The following TMEM178B variants were observed in gnomAD, a reference collection of about 807,000 sequenced individuals.
TMEM178B encodes transmembrane protein 178B.
A neutral mutation model predicts 31.0 loss-of-function variants in TMEM178B; 5 were observed. The ratio of observed to expected loss-of-function variants is 0.16; its 90% CI spans 0.08 to 0.34. The LOEUF (loss-of-function observed/expected upper bound fraction) is 0.34. TMEM178B is among the 10% of genes least tolerant of loss of function. The pLI is 1.00. For synonymous variants in TMEM178B, 164 were observed against 164.0 expected, an observed-to-expected ratio of 1.00 and a Z score of 0.00; for missense variants, 275 against 400.3, an observed-to-expected ratio of 0.69 and a Z score of 2.67.
intron 2 of TMEM178B, among the ~76,000 whole-genome samples, chr7:141,408,074 T>G (rs1800916858): frequency 1.3e-5 from 2 of 152,190 alleles, no homozygotes; most frequent in Non-Finnish European, 2.9e-5. Flanking sequence ...TCCCTGCATT[T>G]TCTGACACTG....
At chr7:141,372,066 G>C (rs1260824679) in intron 2 of TMEM178B, among the ~76,000 whole-genome samples, 3 of 152,132 alleles carry the variant, frequency 2.0e-5, no homozygotes, top group South Asian at 4.1e-4. Context: ...TTTACAGAGA[G>C]TTGCCTTCTC....
At chr7:141,363,061 G>A (rs1799943486) in intron 2 of TMEM178B, among the ~76,000 whole-genome samples, 1 of 152,188 alleles carries the variant, frequency 6.6e-6, no homozygotes, top group Admixed American at 6.5e-5. Flanking sequence ...GTGGATTCTG[G>A]AAAATTGGCA....
chr7:141,432,345 G>A (rs1186777339), intron 2 of TMEM178B, among the ~76,000 whole-genome samples: 1 of 151,970 alleles, frequency 6.6e-6, no homozygotes, highest in Admixed American at 6.6e-5. Context: ...AATAGAGACA[G>A]GGTTTCACCA....
At position 141,434,994 on chromosome 7, in the gene TMEM178B, T is replaced by C. The variant is rs781592626; in HGVS notation, c.497-2614T>C. ...TTGTGTATATGTAACACATTTTCTT[T>C]ATTCATTCATTGAAAGACACTTCTC... On this transcript the variant is annotated intron_variant, in intron 2 of 3. Transcript: ENST00000565468. 2.6e-5 allele frequency among the ~76,000 whole-genome samples: 4 copies of C among 152,378 alleles called. No homozygotes were observed. In the East Asian group the frequency reaches 7.7e-4, roughly 29 times the overall value.
At chr7:141,428,983 A>G (rs1801372120) in intron 2 of TMEM178B, among the ~76,000 whole-genome samples, 1 of 152,106 alleles carries the variant, frequency 6.6e-6, no homozygotes, top group Admixed American at 6.5e-5. Flanking sequence ...ATACCATCTC[A>G]CCTCAGTTAG....
chr7:141,501,229 G>C, the TMEM178B span, among the ~76,000 whole-genome samples: 1 of 151,888 alleles, frequency 6.6e-6, no homozygotes, highest in Admixed American at 6.6e-5. Flanking sequence ...GTAGGTCTCG[G>C]CGGTGCCCTT....
chr7:141,146,543 T>C (rs1442415335), intron 1 of TMEM178B, among the ~76,000 whole-genome samples: 1 of 152,188 alleles, frequency 6.6e-6, no homozygotes, highest in Non-Finnish European at 1.5e-5. Context: ...AATTATAGTA[T>C]CTATCATGAG....
chr7:141,179,410 G>T (rs1474891869), intron 1 of TMEM178B, among the ~76,000 whole-genome samples: 3 of 152,018 alleles, frequency 2.0e-5, no homozygotes, highest in African/African-American at 7.3e-5. Flanking sequence ...TCTTTTGAGG[G>T]ACAGAAGGCA....
chr7:141,362,244 C>G (rs1213552604), intron 2 of TMEM178B, among the ~76,000 whole-genome samples: 1 of 152,226 alleles, frequency 6.6e-6, no homozygotes, highest in African/African-American at 2.4e-5. Context: ...GCAGTAGGCC[C>G]TTTACTTTGT....
intron 3 of TMEM178B, among the ~76,000 whole-genome samples, chr7:141,468,862 G>C (rs1460458589): frequency 2.0e-5 from 3 of 152,184 alleles, no homozygotes; most frequent in African/African-American, 7.2e-5. Context: ...AGACCGGCTT[G>C]AGGTGGCGGC....
intron 2 of TMEM178B, among the ~76,000 whole-genome samples, chr7:141,369,133 C>T (rs530961502): frequency 6.6e-6 from 1 of 152,162 alleles, no homozygotes. Context: ...TCAACTGTTC[C>T]TCTGGTATTT....
intron 1 of TMEM178B, among the ~76,000 whole-genome samples, chr7:141,210,979 A>G (rs573738713): frequency 1.3e-5 from 2 of 152,268 alleles, no homozygotes; most frequent in South Asian, 4.1e-4. Context: ...AGGATTTATG[A>G]TGTAGACTGG....
chr7:141,186,885 A>T (rs548220591), intron 1 of TMEM178B, among the ~76,000 whole-genome samples: 1 of 152,290 alleles, frequency 6.6e-6, no homozygotes, highest in African/African-American at 2.4e-5. Flanking sequence ...ATCCATGTGG[A>T]TGGCACAGAG....
intron 2 of TMEM178B, among the ~76,000 whole-genome samples, chr7:141,233,489 CTCT>C (rs1301238692): frequency 2.6e-5 from 4 of 152,306 alleles, no homozygotes; most frequent in South Asian, 2.1e-4. Context: ...CCACCGTAAG[CTCT>C]TCTTCTATTT....
At chr7:141,249,243 C>T (rs1238374034) in intron 2 of TMEM178B, among the ~76,000 whole-genome samples, 3 of 152,170 alleles carry the variant, frequency 2.0e-5, no homozygotes, top group Non-Finnish European at 4.4e-5. Context: ...GAATAAGTCT[C>T]CTGAGATCTG....
At chr7:141,215,815 TTTC>T (rs1563120288) in intron 2 of TMEM178B, among the ~76,000 whole-genome samples, 4 of 88,844 alleles carry the variant, frequency 4.5e-5, no homozygotes, top group African/African-American at 1.4e-4. Context: ...TCTTTCTTTC[TTTC>T]TTTCTTTCTT....
intron 2 of TMEM178B, among the ~76,000 whole-genome samples, chr7:141,229,938 T>C (rs1797414463): frequency 6.6e-6 from 1 of 152,204 alleles, no homozygotes; most frequent in Non-Finnish European, 1.5e-5. Context: ...TGTGTTTTTC[T>C]TTGTATTTCT....
intron 2 of TMEM178B, among the ~76,000 whole-genome samples, chr7:141,215,648 C>A (rs1156580505): frequency 6.6e-6 from 1 of 151,696 alleles, no homozygotes; most frequent in Non-Finnish European, 1.5e-5. Context: ...TATAATCTGA[C>A]CATAATATCT....
intron 2 of TMEM178B, among the ~76,000 whole-genome samples, chr7:141,412,920 A>G (rs1270760350): frequency 6.6e-6 from 1 of 152,190 alleles, no homozygotes; most frequent in African/African-American, 2.4e-5. Context: ...GGGTCTCAAG[A>G]GTCTCGATTT....
Sources: gnomAD v4.1 joint callset for allele counts (sites outside exome capture counted in the v4.1 genomes callset) on GRCh38, gnomAD v4.1.1 for gene constraint, MANE v1.5 for transcripts, NCBI Gene and HGNC (gene_info 2026-07-23, HGNC 2026-07-21) for gene names.